The following HMCN2 variants were observed in gnomAD, a reference collection of about 807,000 sequenced individuals.
The protein encoded by HMCN2 is hemicentin-2.
In HMCN2, 325 loss-of-function variants were observed where a neutral mutation model predicts 377.5. That is an observed-to-expected ratio of 0.86 (90% CI 0.79 to 0.94). The LOEUF is 0.94. HMCN2 is among the 40% of genes least tolerant of loss of function. The pLI is 0.00. For synonymous variants in HMCN2, 2,007 were observed against 2,046.8 expected (o/e 0.98, Z 0.53); for missense variants, 4,543 against 4,725.3 (o/e 0.96, Z 1.13).
rs34741230 is a variant in HMCN2, at chr9:130,431,446, C to T, written c.14727C>T (p.Pro4909=). 0.028 allele frequency: 43,864 copies of T among 1,550,070 alleles called. 726 individuals carry two copies. The highest frequency in any genetic ancestry group is 0.041 in the South Asian group (3,432 of 84,048). ...AGGGCAGCTACCAGTGCCTGTGCCC[C>T]GCCGGCTACCGTCTGCTCCCCAGCG... ...NTEGSYQCLC[P]AGYRLLPSGK... is the part of the protein sequence containing the mutation. The change falls in exon 96 of 98, where the codon CCC becomes CCT. Residue 4909 remains proline, a synonymous_variant. Coordinates refer to ENST00000683500, the MANE Select transcript of HMCN2 (RefSeq NM_001291815.2).
intron 37 of HMCN2, among the ~76,000 whole-genome samples, chr9:130,359,672 A>AG (rs1036322957): frequency 2.0e-5 from 3 of 152,182 alleles, no homozygotes; most frequent in African/African-American, 7.2e-5. Flanking sequence ...GTCCGGGGCT[A>AG]GGGGCGAGGA....
rs1323025567 is a variant in HMCN2, at chr9:130,347,142, T to G, written c.3830-24T>G. The G allele has an allele frequency of 6.6e-6, 1 of 152,196 alleles. No homozygotes were observed. The highest frequency in any genetic ancestry group is 2.4e-5 in the African/African-American group (1 of 41,412). 9.4% of individuals were successfully genotyped at this position (152,196 alleles called of 1,614,324 possible). A position where few individuals can be genotyped will look rare whatever the true frequency, so the allele number is the denominator to read the frequency against. On this transcript the variant is annotated intron_variant, in intron 25 of 97. Transcript: ENST00000683500. This position sits in a 1 kb window ranked among gnomAD's most constrained non-coding sequence, Gnocchi z 5.1. ...GGGGAAGGTGTCAGGGTGTTTGTAC[T>G]GATGACTCCATGCACCCTGCCAGGA... is the stretch of plus-strand genomic sequence containing the variant.
In HMCN2 at chr9:130,295,718, C is replaced by T. The variant is rs782574843; in HGVS notation, c.837C>T (p.Asp279=). 1 of 471,108 alleles carries T rather than the reference C, an allele frequency of 2.1e-6. No individual in the cohort carries two copies. Among genetic ancestry groups the T allele is most frequent in the South Asian group, 1.5e-5 (1 of 64,556 alleles). The allele number at this position is 471,108 out of a possible 1,614,324, so 29.2% of individuals were successfully genotyped here. ...TCAACGTGCTTCTCAACATCCCTGACTCGGCCAAGGTCGTAGCCTTTAAGC... is the reference window on the plus strand; with the variant it reads ...TCAACGTGCTTCTCAACATCCCTGATTCGGCCAAGGTCGTAGCCTTTAAGC... The part of the protein sequence containing the change: ...EGLNVLLNIP[D]SAKVVAFKPE... The change falls in exon 6 of 98, where the codon GAC becomes GAT. Residue 279 remains aspartate (D), a synonymous_variant. Coordinates refer to ENST00000683500, the MANE Select transcript of HMCN2 (RefSeq NM_001291815.2).
Position 130,393,003 on chromosome 9 carries a change from CA to C in HMCN2, c.10137-197del, listed in dbSNP as rs375618555. Among the ~76,000 whole-genome samples, 148 of 136,836 alleles carry C rather than the reference CA, an allele frequency of 1.1e-3. No individual in the cohort carries two copies. Among genetic ancestry groups the C allele is most frequent in the East Asian group, 1.3e-3 (6 of 4,786 alleles). The allele number at this position is 136,836 out of a possible 152,430, so 89.8% of individuals were successfully genotyped here. A position where few individuals can be genotyped will look rare whatever the true frequency, so the allele number is the denominator to read the frequency against. ...AGAGTGAGACACCATCTCACCATCT[CA>C]AAAAAAAAAAAGAAAAAGAGAGAGT... On this transcript the variant is annotated intron_variant, in intron 66 of 97. Transcript: ENST00000683500. The surrounding 1 kb of genome is among the most constrained non-coding windows in gnomAD (Gnocchi z 5.2).
chr9:130,376,705 C>T (rs995502417), intron 52 of HMCN2, 47 bp downstream of exon 52: 8 of 983,030 alleles, frequency 8.1e-6, no homozygotes, highest in African/African-American at 1.7e-5. Flanking sequence ...ACCTCTGCTT[C>T]CGGCTGGTTC....
chr9:130,389,411 C>G lies in HMCN2; in HGVS notation c.9523+871C>G, dbSNP rs557966599. ...CCGTTTTCTCCCCATTTCTTCTTCC[C>G]CCAGACCCAGGAAACCACAAATCTG... On this transcript the variant is annotated intron_variant, in intron 62 of 97. Coordinates refer to ENST00000683500, the MANE Select transcript of HMCN2 (RefSeq NM_001291815.2). Among the ~76,000 whole-genome samples the G allele has an allele frequency of 2.1e-3, 322 of 152,176 alleles. 1 individual carries two copies. The highest frequency in any genetic ancestry group is 7.1e-3 in the African/African-American group (296 of 41,518).
chr9:130,377,658 C>T lies in HMCN2; in HGVS notation c.8071C>T (p.Pro2691Ser), dbSNP rs1359152297. The T allele has an allele frequency of 9.1e-6, 9 of 985,858 alleles. No homozygotes were observed. Among genetic ancestry groups the T allele is most frequent in the Non-Finnish European group, 9.6e-6 (8 of 829,988 alleles). The allele number at this position is 985,858 out of a possible 1,614,324, so 61.1% of individuals were successfully genotyped here. Reference protein sequence around the residue: ...RWYKDGQPVTPSSRLQVLGEG... With the variant: ...RWYKDGQPVTSSSRLQVLGEG... ...CTCATCCTCCTCACAGCCCGTGACC[C>T]CCAGCTCGCGGCTGCAGGTCCTGGG... Residue 2691 changes from proline (P) to serine (S), a missense_variant, in exon 53 of 98, where the codon CCC becomes TCC. Around this residue, in one of 5 missense-constraint regions of HMCN2, gnomAD observed 736 missense variants for 773.2 expected, o/e 0.95. Coordinates refer to ENST00000683500, the MANE Select transcript of HMCN2 (RefSeq NM_001291815.2).
intron 22 of HMCN2, among the ~76,000 whole-genome samples, chr9:130,336,268 C>T (rs1271179457): frequency 6.6e-6 from 1 of 152,156 alleles, no homozygotes; most frequent in Non-Finnish European, 1.5e-5. Context: ...AGTTAATTAG[C>T]CCTACATATA....
intron 78 of HMCN2, 21 bp downstream of exon 78, chr9:130,402,917 C>G (rs958483473): frequency 7.8e-7 from 1 of 1,284,184 alleles, no homozygotes; most frequent in Admixed American, 2.3e-5. Context: ...GTGGTCCAGA[C>G]CCCAGAGTTC....
intron 21 of HMCN2, among the ~76,000 whole-genome samples, 179 bp downstream of exon 21, chr9:130,326,149 C>T (rs1838124898): frequency 6.6e-6 from 1 of 152,168 alleles, no homozygotes; most frequent in Non-Finnish European, 1.5e-5. Flanking sequence ...CTCTCTCTGC[C>T]CCAGACCCTC....
rs1838543007 is a variant in HMCN2 at position 130,333,560 on chromosome 9, T to C, written c.3360-4334T>C. On this transcript the variant is annotated intron_variant, in intron 22 of 97. Transcript: ENST00000683500. ...TCTCCACTCTCATCTGGGCGCTGCG[T>C]GGAGCCATCTGGCCGTGCACGTCGC... Among the ~76,000 whole-genome samples the C allele has an allele frequency of 3.3e-5, 5 of 152,214 alleles. No homozygotes were observed. In the South Asian group the frequency reaches 1.0e-3, roughly 32 times the overall value.
At chr9:130,295,248 C>T (rs782450602) in intron 5 of HMCN2, among the ~76,000 whole-genome samples, 2 of 152,074 alleles carry the variant, frequency 1.3e-5, no homozygotes, top group Non-Finnish European at 2.9e-5. Context: ...AAAGTAATGG[C>T]GGTCCCTGCA....
chr9:130,307,480 C>T lies in HMCN2; in HGVS notation c.2114C>T (p.Ala705Val), dbSNP rs1159713048. 1.1e-5 allele frequency: 5 copies of T among 471,014 alleles called. No individual in the cohort carries two copies. The highest frequency in any genetic ancestry group is 8.0e-5 in the African/African-American group (4 of 50,054). The allele number at this position is 471,014 out of a possible 1,614,324, so 29.2% of individuals were successfully genotyped here. Residue 705 changes from alanine (A) to valine (V), a missense_variant, in exon 14 of 98, where the codon GCC becomes GTC. Around this residue, in one of 5 missense-constraint regions of HMCN2, gnomAD observed 547 missense variants for 189.9 expected, o/e 2.88. Transcript: ENST00000683500. ...CCACCGTCGGTCTCTGCTGTAAATG[C>T]CGTGGTGCTGGTGGCCGTTGGGGAG... ...TDPPSVSAVNAVVLVAVGEEA... is the reference protein window; with the variant it reads ...TDPPSVSAVNVVVLVAVGEEA...
chr9:130,290,062 T>G (rs1554929460), intron 4 of HMCN2, among the ~76,000 whole-genome samples: 2 of 152,230 alleles, frequency 1.3e-5, no homozygotes, highest in African/African-American at 4.8e-5. Flanking sequence ...TCCTTCCCCA[T>G]GGGTGACAGA....
chr9:130,382,655 C>G (rs1296760094), intron 55 of HMCN2, 24 bp from the exon 56 acceptor site: 1 of 908,064 alleles, frequency 1.1e-6, no homozygotes, highest in Non-Finnish European at 1.3e-6. Context: ...GCCAGCCCCT[C>G]AGCCCCCTCT....
intron 75 of HMCN2, among the ~76,000 whole-genome samples, chr9:130,399,077 A>AC (rs1269858472): frequency 1.3e-5 from 2 of 151,568 alleles, no homozygotes; most frequent in Non-Finnish European, 2.9e-5. Flanking sequence ...ACATAGTGAG[A>AC]CCCCATCTCT....
Position 130,405,051 on chromosome 9 carries a change from A to G in HMCN2, c.12331A>G (p.Asn4111Asp). Residue 4111 changes from asparagine (N) to aspartate (D), a missense_variant, in exon 81 of 98, where the codon AAC becomes GAC. This residue lies in a region of HMCN2 where 1,073 missense variants were observed against 1,319.5 expected (regional missense o/e 0.81). Coordinates refer to ENST00000683500, the MANE Select transcript of HMCN2 (RefSeq NM_001291815.2). ...IQPSGELLVK[N>D]LEGQDAGTYT... ...GCCTTCTGGGGAGTTGCTGGTGAAG[A>G]ACTTGGAGGTGAGGCACTGCCCCAA... 7 of 1,285,110 alleles carry G rather than the reference A, an allele frequency of 5.4e-6. No individual in the cohort carries two copies. The highest frequency in any genetic ancestry group is 6.1e-6 in the Non-Finnish European group (6 of 986,890). The allele number at this position is 1,285,110 out of a possible 1,614,324, so 79.6% of individuals were successfully genotyped here.
At chr9:130,330,915 G>T (rs1386281990) in intron 22 of HMCN2, among the ~76,000 whole-genome samples, 3 of 150,774 alleles carry the variant, frequency 2.0e-5, no homozygotes, top group Admixed American at 2.0e-4. Flanking sequence ...GGATCACGAG[G>T]TCAGGAGATC....
Position 130,406,115 on chromosome 9 carries a change from G to T in HMCN2, c.12500G>T (p.Arg4167Leu). The T allele has an allele frequency of 2.3e-6, 3 of 1,289,834 alleles. No homozygotes were observed. The highest frequency in any genetic ancestry group is 3.0e-6 in the Non-Finnish European group (3 of 988,868). 79.9% of individuals were successfully genotyped at this position (1,289,834 alleles called of 1,614,324 possible). ...GDRLWLRCAA[R>L]GSPTPRIGWT... ...AGGCTGTGGCTTCGCTGTGCAGCCC[G>T]GGGCAGCCCCACCCCTCGCATTGGC... The change falls in exon 82 of 98, where the codon CGG (arginine) becomes CTG (leucine). Residue 4167 changes from arginine (R) to leucine (L), a missense_variant. Arg to Leu is a moderately radical substitution (Grantham distance 102, BLOSUM62 -2). Around this residue, in one of 5 missense-constraint regions of HMCN2, gnomAD observed 1,073 missense variants for 1,319.5 expected, o/e 0.81. Transcript: ENST00000683500.
Sources: allele counts gnomAD v4.1 joint callset (sites outside exome capture counted in the v4.1 genomes callset), GRCh38; gene constraint gnomAD v4.1.1; regional missense constraint gnomAD v4.1.1; non-coding constraint Gnocchi (gnomAD v3.1); transcripts MANE v1.5; gene names NCBI Gene and HGNC (gene_info 2026-07-23, HGNC 2026-07-21).